PILRA: variants seen among roughly 807,000 people sequenced by gnomAD.
PILRA encodes paired immunoglobin like type 2 receptor alpha.
PILRA carries 37 observed loss-of-function variants against 33.1 expected under a neutral mutation model. The ratio of observed to expected loss-of-function variants is 1.12; its 90% CI spans 0.86 to 1.47. The LOEUF is 1.47. Among genes scored for constraint, PILRA ranks in the 40% most tolerant of loss-of-function variants. The probability of loss-of-function intolerance (pLI) is 0.00; values close to 1 mark genes in which losing one functional copy is unlikely to be tolerated. For synonymous variants in PILRA, 146 were observed against 149.9 expected (o/e 0.97, Z 0.19); for missense variants, 312 against 376.2 (o/e 0.83, Z 1.41).
intron 5 of PILRA, 30 bp from the exon 6 acceptor site, chr7:100,399,551 A>T: frequency 6.2e-7 from 1 of 1,613,772 alleles, no homozygotes; most frequent in Non-Finnish European, 8.5e-7. Context: ...ACGCCACCTG[A>T]CCTTGGCACA....
chr7:100,396,111 G>A (rs531637977), intron 3 of PILRA, among the ~76,000 whole-genome samples: 5 of 151,868 alleles, frequency 3.3e-5, no homozygotes, highest in African/African-American at 7.3e-5. Context: ...ATGACAGAGC[G>A]AGACTTCATC....
chr7:100,372,646 A>C (rs1479339929), upstream of PILRA, among the ~76,000 whole-genome samples: 1 of 152,140 alleles, frequency 6.6e-6, no homozygotes. Context: ...TCTGTGTCCA[A>C]GGAAGCTTCT....
intron 3 of PILRA, among the ~76,000 whole-genome samples, chr7:100,397,180 G>C (rs1791516669): frequency 6.6e-6 from 1 of 150,902 alleles, no homozygotes; most frequent in Non-Finnish European, 1.5e-5. Context: ...CTGGAGTTGA[G>C]GGGTACCTCA....
upstream of PILRA, among the ~76,000 whole-genome samples, chr7:100,371,618 A>G (rs1790814786): frequency 6.6e-6 from 1 of 152,086 alleles, no homozygotes; most frequent in African/African-American, 2.4e-5. Flanking sequence ...CTCCCCACAC[A>G]CGACTTCCCA....
At chr7:100,373,750 C>T in intron 1 of PILRA, 30 bp downstream of exon 1, 1 of 1,611,618 alleles carries the variant, frequency 6.2e-7, no homozygotes, top group East Asian at 2.2e-5. Context: ...CAGATGTGGG[C>T]TCTGCCCAAA....
intron 2 of PILRA, among the ~76,000 whole-genome samples, chr7:100,377,477 G>A (rs1172534540): frequency 6.6e-6 from 1 of 151,898 alleles, no homozygotes; most frequent in Non-Finnish European, 1.5e-5. Context: ...TCCTGACGTC[G>A]TGATCTGCCC....
chr7:100,379,295 CCTTG>C (rs1355676842), intron 2 of PILRA, among the ~76,000 whole-genome samples: 1 of 150,782 alleles, frequency 6.6e-6, no homozygotes, highest in Non-Finnish European at 1.5e-5. Flanking sequence ...CAGGAGAATC[CCTTG>C]AACCCAGGAG....
chr7:100,375,819 C>T (rs896131001), intron 2 of PILRA, among the ~76,000 whole-genome samples: 1 of 152,252 alleles, frequency 6.6e-6, no homozygotes, highest in Admixed American at 6.5e-5. Flanking sequence ...TACAGGGCTT[C>T]GCCTATTGAG....
At chr7:100,373,486 C>T, upstream of PILRA, 2 of 691,344 alleles carry the variant, frequency 2.9e-6, no homozygotes, top group Non-Finnish European at 5.1e-6. Context: ...AAGTGCTGGT[C>T]ACCCTGGAGG....
At chr7:100,376,443 AAAAC>A (rs1790948478) in intron 2 of PILRA, 1 of 152,072 alleles carries the variant, frequency 6.6e-6, no homozygotes, top group South Asian at 2.1e-4. Context: ...CTTATTATAA[AAAAC>A]AAAATTCAGG....
Position 100,389,937 on chromosome 7 carries a change from G to A in PILRA, c.504G>A (p.Arg168=). 1.2e-6 allele frequency: 2 copies of A among 1,613,916 alleles called. No homozygotes were observed. Among genetic ancestry groups the A allele is most frequent in the Non-Finnish European group, 1.7e-6 (2 of 1,179,974 alleles). The change falls in exon 3 of 7, where the codon AGG becomes AGA. Residue 168 remains arginine, a synonymous_variant. Coordinates refer to ENST00000198536, the MANE Select transcript of PILRA (RefSeq NM_013439.3). The part of the protein sequence containing the change: ...QRPSSMTTTW[R]LSSTTTTTGL... ...CCAGCAGCATGACTACCACCTGGAG[G>A]CTCAGTAGCACAACCACCACAACCG... is the stretch of plus-strand genomic sequence containing the variant.
chr7:100,378,012 G>A (rs1584212995), intron 2 of PILRA, among the ~76,000 whole-genome samples: 1 of 152,068 alleles, frequency 6.6e-6, no homozygotes, highest in East Asian at 1.9e-4. Flanking sequence ...ACATTTCAAT[G>A]CCTAAGACTA....
chr7:100,374,534 C>G (rs768527566), intron 2 of PILRA, 101 bp downstream of exon 2: 43 of 1,418,838 alleles, frequency 3.0e-5, no homozygotes, highest in Non-Finnish European at 4.1e-5. Flanking sequence ...CTTCTTCTGA[C>G]GACCCCTAAG....
In PILRA at chr7:100,373,779, C is replaced by T. The variant is rs900128395; in HGVS notation, c.64+59C>T. ...GCCCAAACCACAGGAGGGGCCAACC[C>T]GAGACAAAGGTGGGACATCTTGGGG... On this transcript the variant is annotated intron_variant, in intron 1 of 6. Transcript: ENST00000198536. The T allele has an allele frequency of 1.7e-4, 278 of 1,599,204 alleles. 1 individual carries two copies. The highest frequency in any genetic ancestry group is 1.3e-3 in the Middle Eastern group (8 of 6,040).
At chr7:100,382,695 G>C (rs1002633289) in intron 2 of PILRA, among the ~76,000 whole-genome samples, 1 of 152,130 alleles carries the variant, frequency 6.6e-6, no homozygotes, top group East Asian at 1.9e-4. Context: ...TCTCTTCTAC[G>C]GTGTGGAAAG....
chr7:100,397,189 C>T (rs1355793520), intron 3 of PILRA, among the ~76,000 whole-genome samples: 2 of 139,936 alleles, frequency 1.4e-5, no homozygotes, highest in South Asian at 2.2e-4. Flanking sequence ...AGGGGTACCT[C>T]AAGGCCTGGG....
intron 4 of PILRA, among the ~76,000 whole-genome samples, chr7:100,398,990 G>A (rs745327752): frequency 2.0e-5 from 3 of 151,654 alleles, no homozygotes; most frequent in Non-Finnish European, 2.9e-5. Context: ...CACCCAGGCT[G>A]GAGTGCAGTG....
intron 2 of PILRA, among the ~76,000 whole-genome samples, chr7:100,375,786 A>C (rs577670645): frequency 6.6e-6 from 1 of 152,364 alleles, no homozygotes; most frequent in South Asian, 2.1e-4. Flanking sequence ...TGAGCTGCAG[A>C]GCTTTCTCAC....
intron 3 of PILRA, among the ~76,000 whole-genome samples, chr7:100,391,526 A>G (rs1316494010): frequency 6.6e-6 from 1 of 151,974 alleles, no homozygotes; most frequent in African/African-American, 2.4e-5. Flanking sequence ...GTATCTACAG[A>G]AAATACAAAA....
Sources: gnomAD v4.1 joint callset for allele counts (sites outside exome capture counted in the v4.1 genomes callset) on GRCh38, gnomAD v4.1.1 for gene constraint, MANE v1.5 for transcripts, NCBI Gene and HGNC (gene_info 2026-07-23, HGNC 2026-07-21) for gene names.